The following KANSL1L variants were observed in gnomAD, a reference collection of about 807,000 sequenced individuals.
The protein encoded by KANSL1L is KAT8 regulatory NSL complex subunit 1 like.
In KANSL1L, 25 loss-of-function variants were observed where a neutral mutation model predicts 108.6. The ratio of observed to expected loss-of-function variants is 0.23; its 90% CI spans 0.17 to 0.32. KANSL1L has a LOEUF of 0.32. KANSL1L is among the 10% of genes least tolerant of loss of function. KANSL1L has a pLI of 1.00. For missense variants in KANSL1L, 1,137 were observed against 1,125.7 expected, an observed-to-expected ratio of 1.01 and a Z score of -0.14; for synonymous variants, 405 against 395.1, an observed-to-expected ratio of 1.03 and a Z score of -0.30.
intron 3 of KANSL1L, among the ~76,000 whole-genome samples, chr2:210,121,469 G>C (rs1268532190): frequency 6.6e-6 from 1 of 152,076 alleles, no homozygotes; most frequent in Non-Finnish European, 1.5e-5. Flanking sequence ...CACATAGAGG[G>C]GAATAACACA....
chr2:210,028,383 AC>A (rs1313139843), intron 11 of KANSL1L: 2 of 141,276 alleles, frequency 1.4e-5, no homozygotes, highest in Non-Finnish European at 3.1e-5. Flanking sequence ...TTTATTGCTG[AC>A]TTGGCAATGC....
At chr2:210,167,413 A>G (rs1259409081) in intron 1 of KANSL1L, among the ~76,000 whole-genome samples, 1 of 152,174 alleles carries the variant, frequency 6.6e-6, no homozygotes, top group South Asian at 2.1e-4. Flanking sequence ...GTGGCTACAT[A>G]ACACATCAAA....
intron 8 of KANSL1L, among the ~76,000 whole-genome samples, chr2:210,037,383 G>A (rs548748591): frequency 6.6e-6 from 1 of 152,176 alleles, no homozygotes; most frequent in Non-Finnish European, 1.5e-5. Flanking sequence ...CTTCATGGAT[G>A]CATTTTTTTC....
At chr2:210,142,166 AC>A (rs1306895325) in intron 2 of KANSL1L, among the ~76,000 whole-genome samples, 2 of 151,582 alleles carry the variant, frequency 1.3e-5, no homozygotes, top group Non-Finnish European at 2.9e-5. Context: ...GGACTTTATT[AC>A]TGTTTTAATC....
At chr2:210,065,520 A>G (rs2094459412) in intron 6 of KANSL1L, among the ~76,000 whole-genome samples, 1 of 150,244 alleles carries the variant, frequency 6.7e-6, no homozygotes, top group Non-Finnish European at 1.5e-5. Flanking sequence ...AGACTGTAAG[A>G]CCCTTCATTA....
At chr2:210,051,193 T>C (rs2094289047) in intron 6 of KANSL1L, among the ~76,000 whole-genome samples, 2 of 152,324 alleles carry the variant, frequency 1.3e-5, no homozygotes, top group South Asian at 4.1e-4. Context: ...CCACATACTT[T>C]ATAACTGTTA....
intron 1 of KANSL1L, among the ~76,000 whole-genome samples, chr2:210,164,301 C>T (rs2095375852): frequency 6.6e-6 from 1 of 152,046 alleles, no homozygotes; most frequent in Admixed American, 6.6e-5. Flanking sequence ...TATTTTTAGG[C>T]ACCTATAGTA....
chr2:210,168,308 A>G (rs1465453087), intron 1 of KANSL1L, among the ~76,000 whole-genome samples: 1 of 152,086 alleles, frequency 6.6e-6, no homozygotes, highest in African/African-American at 2.4e-5. Context: ...TTCAACTACC[A>G]TCTAATACTA....
At chr2:210,071,565 G>A (rs780091426) in intron 6 of KANSL1L, among the ~76,000 whole-genome samples, 13 of 152,178 alleles carry the variant, frequency 8.5e-5, no homozygotes, top group Non-Finnish European at 1.6e-4. Context: ...TGCCATGCCC[G>A]ACCAAAGTTA....
At position 210,054,356 on chromosome 2, in the gene KANSL1L, A is replaced by AAC. The variant is rs565887426; in HGVS notation, c.1756-10254_1756-10253dup. 2.0e-5 allele frequency among the ~76,000 whole-genome samples: 3 copies of AAC among 152,060 alleles called. No individual in the cohort carries two copies. The South Asian group carries it at 6.2e-4, about 32-fold the overall frequency. On this transcript the variant is annotated intron_variant, in intron 6 of 14. Transcript: ENST00000281772. ...AAAAAAAAAATGGTAACTAGACTATAACACCATTTTTTACCTATTGTATTG... is the reference window on the plus strand; with the variant it reads ...AAAAAAAAAATGGTAACTAGACTATAACACACCATTTTTTACCTATTGTATTG...
chr2:210,109,112 C>T (rs2094879875), intron 3 of KANSL1L, among the ~76,000 whole-genome samples: 1 of 152,090 alleles, frequency 6.6e-6, no homozygotes, highest in South Asian at 2.1e-4. Context: ...TTAATGTTTT[C>T]TCTGACCCTC....
intron 6 of KANSL1L, among the ~76,000 whole-genome samples, chr2:210,045,217 T>C (rs1157051709): frequency 6.6e-6 from 1 of 152,226 alleles, no homozygotes; most frequent in Non-Finnish European, 1.5e-5. Flanking sequence ...TATATTTCAT[T>C]GATTCCTACT....
intron 5 of KANSL1L, among the ~76,000 whole-genome samples, chr2:210,077,474 AGGC>A (rs1353618578): frequency 1.3e-5 from 2 of 152,150 alleles, no homozygotes; most frequent in African/African-American, 4.8e-5. Flanking sequence ...ATATGAAGTT[AGGC>A]ACTGAACAGG....
At chr2:210,084,188 G>A (rs147938472) in intron 5 of KANSL1L, among the ~76,000 whole-genome samples, 1,738 of 152,206 alleles carry the variant, frequency 0.011, 12 homozygotes, top group Non-Finnish European at 0.019. Context: ...TTGGGAGGCC[G>A]ACACAAGCAG....
At chr2:210,161,124 G>T (rs1014163113) in intron 1 of KANSL1L, among the ~76,000 whole-genome samples, 1 of 151,918 alleles carries the variant, frequency 6.6e-6, no homozygotes, top group Non-Finnish European at 1.5e-5. Context: ...AAGTAGCTGG[G>T]ATTACAGGTA....
chr2:210,147,728 T>C (rs760286018), intron 2 of KANSL1L, among the ~76,000 whole-genome samples: 3 of 152,166 alleles, frequency 2.0e-5, no homozygotes, highest in Non-Finnish European at 4.4e-5. Flanking sequence ...AAACTCCACA[T>C]TATACAAATA....
chr2:210,031,850 C>CT (rs199897703), intron 8 of KANSL1L, among the ~76,000 whole-genome samples: 1,669 of 152,238 alleles, frequency 0.011, 23 homozygotes, highest in African/African-American at 0.035. Context: ...CGATCAGAAT[C>CT]TTTAAGTTCT....
At chr2:210,131,741 C>A (rs2095122910) in intron 2 of KANSL1L, among the ~76,000 whole-genome samples, 8 of 150,306 alleles carry the variant, frequency 5.3e-5, no homozygotes. Flanking sequence ...GCTGTGTCGT[C>A]CAGGCTGGAG....
Position 210,154,107 on chromosome 2 carries a change from T to G in KANSL1L, c.476A>C (p.Lys159Thr). 1 of 1,614,018 alleles carries G rather than the reference T, an allele frequency of 6.2e-7. No individual in the cohort carries two copies. The highest frequency in any genetic ancestry group is 8.5e-7 in the Non-Finnish European group (1 of 1,179,936). Residue 159 changes from lysine (K) to threonine (T), a missense_variant, in exon 2 of 15, where the codon AAA (lysine) becomes ACA (threonine). Physicochemically the swap from Lys to Thr is moderately conservative, Grantham distance 78. Transcript: ENST00000281772. ...TTGTACTTTATCTACATTAGTGTCT[T>G]TGGTTATATTTGAATCCAGAATAAT... ...VQIILDSNITKDTNVDKVQLQ... is the reference protein window; with the variant it reads ...VQIILDSNITTDTNVDKVQLQ...
Sources: allele counts gnomAD v4.1 joint callset (sites outside exome capture counted in the v4.1 genomes callset), GRCh38; gene constraint gnomAD v4.1.1; transcripts MANE v1.5; gene names NCBI Gene and HGNC (gene_info 2026-07-23, HGNC 2026-07-21).